Variants in TMPRSS11F observed in about 807,000 individuals in gnomAD.
The protein encoded by TMPRSS11F is transmembrane protease serine 11F.
TMPRSS11F carries 47 observed loss-of-function variants against 60.2 expected under a neutral mutation model. The observed-to-expected ratio is 0.78, with a 90% confidence interval of 0.62 to 1.00. The LOEUF (loss-of-function observed/expected upper bound fraction) is 1.00. Among genes scored for constraint, TMPRSS11F ranks in the 50% least tolerant of loss-of-function variants. TMPRSS11F has a pLI of 0.00. For synonymous variants in TMPRSS11F, 166 were observed against 167.3 expected (o/e 0.99, Z 0.06); for missense variants, 519 against 522.9 (o/e 0.99, Z 0.07).
intron 1 of TMPRSS11F, among the ~76,000 whole-genome samples, chr4:68,120,668 G>A (rs890489310): frequency 5.9e-5 from 9 of 152,128 alleles, no homozygotes; most frequent in African/African-American, 1.9e-4. Flanking sequence ...GATTACAGGC[G>A]TGAGCCACCG....
In TMPRSS11F at chr4:68,124,196, G is replaced by T. The variant is rs555446162; in HGVS notation, c.11+5614C>A. ...AGATTGCACCACTGCACTCCAGCCT[G>T]GGCGACAGAGTGAGACTCTGTCTTA... On this transcript the variant is annotated intron_variant, in intron 1 of 9. Transcript: ENST00000356291. Among the ~76,000 whole-genome samples, 7 of 149,430 alleles carry T rather than the reference G, an allele frequency of 4.7e-5. No individual in the cohort carries two copies. In the South Asian group the frequency reaches 1.5e-3, roughly 32 times the overall value.
In TMPRSS11F at chr4:68,053,736, G is replaced by A. The variant is rs1722986840; in HGVS notation, c.*173C>T. The A allele has an allele frequency of 1.9e-6, 1 of 515,654 alleles. No individual in the cohort carries two copies. Among genetic ancestry groups the A allele is most frequent in the Non-Finnish European group, 3.3e-6 (1 of 298,698 alleles). The allele number at this position is 515,654 out of a possible 1,614,324, so 31.9% of individuals were successfully genotyped here. The stretch of plus-strand genomic sequence containing the variant: ...TGTCTTCTTCCCTCATGGTAGAGAG[G>A]GTTTGGTCCTACGTATGTAAAGGCC... On this transcript the variant is annotated 3_prime_UTR_variant, in exon 10 of 10. Coordinates refer to ENST00000356291, the MANE Select transcript of TMPRSS11F (RefSeq NM_207407.2).
intron 2 of TMPRSS11F, among the ~76,000 whole-genome samples, chr4:68,096,964 C>T (rs1351545790): frequency 6.6e-6 from 1 of 152,156 alleles, no homozygotes; most frequent in Non-Finnish European, 1.5e-5. Flanking sequence ...ATTCTTTCTG[C>T]TATAAAAATA....
At chr4:68,067,700 C>G (rs1723360191) in intron 7 of TMPRSS11F, among the ~76,000 whole-genome samples, 1 of 152,126 alleles carries the variant, frequency 6.6e-6, no homozygotes, top group African/African-American at 2.4e-5. Context: ...CTCTTCTTTT[C>G]TGCGAAAAAG....
At chr4:68,107,282 A>G (rs1724322245) in intron 1 of TMPRSS11F, among the ~76,000 whole-genome samples, 1 of 152,210 alleles carries the variant, frequency 6.6e-6, no homozygotes, top group African/African-American at 2.4e-5. Flanking sequence ...AAGGATATAG[A>G]CTGCCTTTAT....
Position 68,053,705 on chromosome 4 carries a change from T to G in TMPRSS11F, c.*204A>C. On this transcript the variant is annotated 3_prime_UTR_variant, in exon 10 of 10. Coordinates refer to ENST00000356291, the MANE Select transcript of TMPRSS11F (RefSeq NM_207407.2). ...GTAAGGAATAGGTGCTGTCTGTCAT[T>G]TGCTGTGTCTTCTTCCCTCATGGTA... 1 of 447,542 alleles carries G rather than the reference T, an allele frequency of 2.2e-6. No individual in the cohort carries two copies. Among genetic ancestry groups the G allele is most frequent in the Non-Finnish European group, 3.9e-6 (1 of 253,876 alleles). The allele number at this position is 447,542 out of a possible 1,614,324, so 27.7% of individuals were successfully genotyped here.
chr4:68,063,649 G>C (rs1723254226), intron 8 of TMPRSS11F, among the ~76,000 whole-genome samples: 1 of 152,114 alleles, frequency 6.6e-6, no homozygotes, highest in Non-Finnish European at 1.5e-5. Context: ...AAAGTGTTGG[G>C]ATTACAGGCT....
intron 3 of TMPRSS11F, among the ~76,000 whole-genome samples, chr4:68,075,117 G>A (rs1723557314): frequency 6.6e-6 from 1 of 152,102 alleles, no homozygotes; most frequent in Non-Finnish European, 1.5e-5. Context: ...TGTCAGAGTA[G>A]GGAAAGTCTC....
In TMPRSS11F at chr4:68,097,344, T is replaced by A. The variant is rs1724093996; in HGVS notation, c.163+1543A>T. Among the ~76,000 whole-genome samples the A allele has an allele frequency of 2.0e-5, 3 of 152,310 alleles. No homozygotes were observed. In the South Asian group the frequency reaches 6.2e-4, roughly 32 times the overall value. The stretch of plus-strand genomic sequence containing the variant: ...CTAGACGCTGTAAGGCGAGAATTTA[T>A]TTTTTGCCTTTTTCTAGAGACTACC... On this transcript the variant is annotated intron_variant, in intron 2 of 9. Transcript: ENST00000356291.
chr4:68,095,820 C>A (rs922271134), intron 2 of TMPRSS11F, among the ~76,000 whole-genome samples: 2 of 139,060 alleles, frequency 1.4e-5, no homozygotes, highest in African/African-American at 5.3e-5. Context: ...TGCTTGAACC[C>A]GGGAGGCAGA....
intron 3 of TMPRSS11F, among the ~76,000 whole-genome samples, chr4:68,076,506 T>C (rs1383486880): frequency 3.3e-5 from 5 of 152,224 alleles, no homozygotes; most frequent in African/African-American, 1.2e-4. Flanking sequence ...CTTTCTGGGA[T>C]AGGTAGCTCT....
At chr4:68,103,312 G>A (rs1161949725) in intron 1 of TMPRSS11F, among the ~76,000 whole-genome samples, 1 of 152,056 alleles carries the variant, frequency 6.6e-6, no homozygotes, top group Admixed American at 6.6e-5. Context: ...CAGTTGTGGT[G>A]GCACATGCCC....
At chr4:68,095,526 T>C (rs1016312133) in intron 2 of TMPRSS11F, among the ~76,000 whole-genome samples, 6 of 152,074 alleles carry the variant, frequency 3.9e-5, no homozygotes, top group Admixed American at 6.6e-5. Context: ...CACTAAATGT[T>C]GGTGAGGATA....
chr4:68,088,745 T>C (rs1196032833), intron 3 of TMPRSS11F, among the ~76,000 whole-genome samples: 1 of 152,034 alleles, frequency 6.6e-6, no homozygotes, highest in Non-Finnish European at 1.5e-5. Context: ...ATTAGTAGCA[T>C]TTTAAAACAC....
Position 68,125,183 on chromosome 4 carries a change from T to C in TMPRSS11F, c.11+4627A>G, listed in dbSNP as rs1577939918. 2.6e-5 allele frequency among the ~76,000 whole-genome samples: 4 copies of C among 151,700 alleles called. 1 individual carries two copies. In the East Asian group the frequency reaches 7.7e-4, roughly 29 times the overall value. ...TCATATGGTTCCCACTTGTAGATTA[T>C]ACTGTATATTTTTATGTTATATTTT... On this transcript the variant is annotated intron_variant, in intron 1 of 9. Coordinates refer to ENST00000356291, the MANE Select transcript of TMPRSS11F (RefSeq NM_207407.2).
At position 68,089,286 on chromosome 4, in the gene TMPRSS11F, G is replaced by A. The variant is rs1723878177; in HGVS notation, c.282+1237C>T. Among the ~76,000 whole-genome samples the A allele has an allele frequency of 2.0e-5, 3 of 152,228 alleles. No homozygotes were observed. In the South Asian group the frequency reaches 6.2e-4, roughly 32 times the overall value. ...GAACTTTTTCTTAGTAAAGGTACTT[G>A]AGGGCATATCTTACTATATCAATGA... On this transcript the variant is annotated intron_variant, in intron 3 of 9. Transcript: ENST00000356291.
intron 2 of TMPRSS11F, among the ~76,000 whole-genome samples, chr4:68,091,747 ATCTCTCTC>A (rs372346277): frequency 2.4e-4 from 17 of 71,674 alleles, no homozygotes; most frequent in African/African-American, 6.3e-4. Context: ...TTAATCTCTA[ATCTCTCTC>A]TCTCTCTCTC....
rs143955533 is a variant in TMPRSS11F, at chr4:68,116,432, A to G, written c.11+13378T>C. Among the ~76,000 whole-genome samples the G allele has an allele frequency of 1.8e-3, 271 of 152,294 alleles. 2 individuals are homozygous for G. Among genetic ancestry groups the G allele is most frequent in the African/African-American group, 6.4e-3 (264 of 41,572 alleles). On this transcript the variant is annotated intron_variant, in intron 1 of 9. Transcript: ENST00000356291. ...ATGCCCATACTACCCAAAGCAATCT[A>G]CAGGTTCAATGCAATCCTGTCAAAA...
At chr4:68,059,714 C>T (rs546184396) in intron 8 of TMPRSS11F, among the ~76,000 whole-genome samples, 2 of 152,292 alleles carry the variant, frequency 1.3e-5, no homozygotes, top group African/African-American at 4.8e-5. Context: ...CAAAATACTA[C>T]ATACGCATGC....
Sources: gnomAD v4.1 joint callset for allele counts (sites outside exome capture counted in the v4.1 genomes callset) on GRCh38, gnomAD v4.1.1 for gene constraint, MANE v1.5 for transcripts, NCBI Gene and HGNC (gene_info 2026-07-23, HGNC 2026-07-21) for gene names.